The following TJP1 variants were observed in gnomAD, a reference collection of about 807,000 sequenced individuals.
TJP1 encodes tight junction protein ZO-1.
TJP1 carries 43 observed loss-of-function variants against 194.2 expected under a neutral mutation model. The ratio of observed to expected loss-of-function variants is 0.22; its 90% confidence interval spans 0.17 to 0.29. The LOEUF is 0.29. Ranked by LOEUF, TJP1 falls within the 10% of genes least tolerant of loss-of-function variation. The pLI, the probability that TJP1 is intolerant of heterozygous loss-of-function variation, is 1.00. For missense variants in TJP1, 1,971 were observed against 2,185.7 expected (o/e 0.90, Z 1.96); for synonymous variants, 801 against 779.0 (o/e 1.03, Z -0.47).
In TJP1 at chr15:29,710,823, C is replaced by G; in HGVS notation, c.4372+8G>C. On this transcript the variant is annotated splice_region_variant and intron_variant, in intron 24 of 27. Coordinates refer to ENST00000614355, the MANE Select transcript of TJP1 (RefSeq NM_001330239.4). ...CTGTGTTAAAATGTCTACTTCCGAA[C>G]TTCCTACCTTCACCATGTGCTCCCT... 1 of 1,613,892 alleles carries G rather than the reference C, an allele frequency of 6.2e-7. No individual in the cohort carries two copies. The highest frequency in any genetic ancestry group is 8.5e-7 in the Non-Finnish European group (1 of 1,180,032).
intron 2 of TJP1, among the ~76,000 whole-genome samples, chr15:29,909,733 A>AT: frequency 6.6e-6 from 1 of 151,966 alleles, no homozygotes; most frequent in East Asian, 2.0e-4. Flanking sequence ...CTCACACAGG[A>AT]TTTTGAGGTG....
rs905672654 is a variant in TJP1, at chr15:29,700,691, A to G, written c.*904T>C. The G allele has an allele frequency of 8.6e-6, 3 of 350,504 alleles. No homozygotes were observed. Among genetic ancestry groups the G allele is most frequent in the Non-Finnish European group, 1.5e-5 (3 of 196,698 alleles). 21.7% of individuals were successfully genotyped at this position (350,504 alleles called of 1,614,324 possible). The stretch of plus-strand genomic sequence containing the variant: ...TCAAAATTTTCAAATGCATAGCCAG[A>G]AAGAACAGAAAACCACCACTGCCCC... On this transcript the variant is annotated 3_prime_UTR_variant, in exon 28 of 28. Coordinates refer to ENST00000614355, the MANE Select transcript of TJP1 (RefSeq NM_001330239.4).
chr15:29,708,840 T>C lies in TJP1; in HGVS notation c.4569A>G (p.Ala1523=), dbSNP rs543474296. ...TEQTQKTVTP[A]YNRFTPKPYT... is the part of the protein sequence containing the mutation. ...ATGGTTTTGGTGTGAATCGATTGTA[T>C]GCTGGAGTGACTGTTTTCTGAGTCT... Residue 1523 remains alanine, a synonymous_variant, in exon 25 of 28, where the codon GCA becomes GCG. Coordinates refer to ENST00000614355, the MANE Select transcript of TJP1 (RefSeq NM_001330239.4). The C allele has an allele frequency of 2.7e-4, 438 of 1,614,202 alleles. 4 individuals carry two copies. In the South Asian group the frequency reaches 4.4e-3, roughly 16 times the overall value.
chr15:29,701,773 T>C, intron 27 of TJP1, 84 bp from the exon 28 acceptor site: 3 of 923,052 alleles, frequency 3.3e-6, no homozygotes, highest in Non-Finnish European at 5.1e-6. Flanking sequence ...CAAATACGTA[T>C]ATTTAGACAT....
intron 2 of TJP1, among the ~76,000 whole-genome samples, chr15:29,932,237 A>G (rs575748134): frequency 1.3e-5 from 2 of 152,328 alleles, no homozygotes; most frequent in East Asian, 1.9e-4. Flanking sequence ...ACCAGCTTTC[A>G]AGATTTGTTA....
chr15:29,741,877 C>G (rs1198876367), intron 9 of TJP1, among the ~76,000 whole-genome samples: 1 of 152,154 alleles, frequency 6.6e-6, no homozygotes, highest in Non-Finnish European at 1.5e-5. Flanking sequence ...GCCTCCCAGG[C>G]AACCGATCTT....
chr15:29,745,713 A>C (rs1364933380), intron 8 of TJP1, among the ~76,000 whole-genome samples: 1 of 152,244 alleles, frequency 6.6e-6, no homozygotes, highest in East Asian at 1.9e-4. Context: ...TCAGGTACGA[A>C]GGTGCTTACT....
At chr15:29,924,178 G>A (rs1360806732) in intron 2 of TJP1, among the ~76,000 whole-genome samples, 1 of 152,126 alleles carries the variant, frequency 6.6e-6, no homozygotes, top group Admixed American at 6.5e-5. Flanking sequence ...GGGCTCAAAT[G>A]ATCCTCCCAC....
chr15:29,880,630 T>C (rs944250650), intron 2 of TJP1, among the ~76,000 whole-genome samples: 1 of 152,196 alleles, frequency 6.6e-6, no homozygotes, highest in Non-Finnish European at 1.5e-5. Context: ...GCAACCACTA[T>C]TGTATTCTCT....
chr15:29,726,343 C>CTGT, intron 18 of TJP1, 36 bp downstream of exon 18: 1 of 1,527,776 alleles, frequency 6.5e-7, no homozygotes, highest in Non-Finnish European at 9.1e-7. Flanking sequence ...ACATAATTTA[C>CTGT]TGAACAAGTC....
chr15:29,864,795 G>A (rs1210831439), intron 2 of TJP1, among the ~76,000 whole-genome samples: 1 of 152,116 alleles, frequency 6.6e-6, no homozygotes, highest in Non-Finnish European at 1.5e-5. Flanking sequence ...CTGTCCTACA[G>A]ATCCTTTATA....
At chr15:29,750,038 G>T (rs1285266190) in intron 8 of TJP1, among the ~76,000 whole-genome samples, 5 of 147,862 alleles carry the variant, frequency 3.4e-5, no homozygotes, top group Non-Finnish European at 4.5e-5. Flanking sequence ...ACTGAGTCTC[G>T]GTCTGTCACC....
intron 1 of TJP1, among the ~76,000 whole-genome samples, chr15:29,802,985 G>T (rs540805742): frequency 3.3e-5 from 5 of 152,124 alleles, no homozygotes; most frequent in Non-Finnish European, 5.9e-5. Context: ...AATCAAATGG[G>T]AAAATTTATT....
intron 2 of TJP1, among the ~76,000 whole-genome samples, chr15:29,898,113 G>T (rs1039163164): frequency 2.6e-5 from 4 of 152,152 alleles, no homozygotes; most frequent in African/African-American, 4.8e-5. Context: ...ATCTTATCTC[G>T]AATTCTAACT....
At chr15:29,827,874 A>G (rs940680784) in intron 2 of TJP1, among the ~76,000 whole-genome samples, 3 of 152,144 alleles carry the variant, frequency 2.0e-5, no homozygotes, top group Middle Eastern at 3.2e-3. Flanking sequence ...AGTTTGTGAC[A>G]AGCTTCTCAA....
At chr15:29,735,562 G>C (rs1381025841) in intron 11 of TJP1, among the ~76,000 whole-genome samples, 3 of 149,832 alleles carry the variant, frequency 2.0e-5, no homozygotes, top group African/African-American at 7.4e-5. Flanking sequence ...ATTCCAGCCT[G>C]GGTGACAGTG....
intron 2 of TJP1, among the ~76,000 whole-genome samples, chr15:29,912,191 A>G (rs2152227555): frequency 6.6e-6 from 1 of 152,330 alleles, no homozygotes; most frequent in Admixed American, 6.5e-5. Flanking sequence ...GAGGGCACTA[A>G]GCCCATTCAT....
At chr15:29,923,273 G>C (rs923039563) in intron 2 of TJP1, among the ~76,000 whole-genome samples, 3 of 152,196 alleles carry the variant, frequency 2.0e-5, no homozygotes, top group African/African-American at 7.2e-5. Flanking sequence ...ATAATGGATA[G>C]GGTAAATAAA....
intron 2 of TJP1, among the ~76,000 whole-genome samples, chr15:29,919,392 T>TG (rs1390332421): frequency 6.6e-6 from 1 of 152,168 alleles, no homozygotes; most frequent in Non-Finnish European, 1.5e-5. Context: ...CATGCAGTCA[T>TG]ACAACAGTGT....
Sources: gnomAD v4.1 joint callset for allele counts (sites outside exome capture counted in the v4.1 genomes callset) on GRCh38, gnomAD v4.1.1 for gene constraint, MANE v1.5 for transcripts, NCBI Gene and HGNC (gene_info 2026-07-23, HGNC 2026-07-21) for gene names.